CNTLN: variants seen among roughly 807,000 people sequenced by gnomAD.
The protein encoded by CNTLN is centlein, centrosomal protein.
A neutral mutation model predicts 180.0 loss-of-function variants in CNTLN; 212 were observed. The ratio of observed to expected loss-of-function variants is 1.18; its 90% CI spans 1.05 to 1.32. The LOEUF (loss-of-function observed/expected upper bound fraction) is 1.32. Among genes scored for constraint, CNTLN ranks in the 40% most tolerant of loss-of-function variants. The pLI is 0.00. For synonymous variants in CNTLN, 722 were observed against 563.1 expected (o/e 1.28, Z -3.99); for missense variants, 2,095 against 1,610.9 (o/e 1.30, Z -5.14).
intron 25 of CNTLN, among the ~76,000 whole-genome samples, chr9:17,489,261 T>C (rs1238559395): frequency 2.6e-5 from 4 of 152,158 alleles, no homozygotes; most frequent in African/African-American, 7.2e-5. Flanking sequence ...CAGGATTGTA[T>C]GGGCAAAAGT....
intron 2 of CNTLN, among the ~76,000 whole-genome samples, chr9:17,176,201 C>G (rs987060814): frequency 1.3e-5 from 2 of 151,870 alleles, no homozygotes; most frequent in African/African-American, 4.8e-5. Flanking sequence ...AGAAATCAGT[C>G]TTTCACTAAA....
At chr9:17,310,819 G>C (rs1408363167) in intron 8 of CNTLN, among the ~76,000 whole-genome samples, 2 of 151,972 alleles carry the variant, frequency 1.3e-5, no homozygotes, top group Admixed American at 6.6e-5. Flanking sequence ...TCACTGACTA[G>C]CCAGTATGTG....
chr9:17,286,982 A>G (rs1427591740), intron 6 of CNTLN, among the ~76,000 whole-genome samples: 1 of 123,314 alleles, frequency 8.1e-6, no homozygotes, highest in African/African-American at 3.3e-5. Context: ...TCTTTTCCTA[A>G]TTGAATACCC....
At chr9:17,423,519 G>A (rs1173022703) in intron 18 of CNTLN, among the ~76,000 whole-genome samples, 1 of 151,976 alleles carries the variant, frequency 6.6e-6, no homozygotes, top group African/African-American at 2.4e-5. Context: ...TAAAGGGAGG[G>A]GTGATGTAAA....
rs1439923274 is a variant in CNTLN, at chr9:17,340,770, ACAT to A, written c.1645-56_1645-54del. 2.1e-6 allele frequency: 3 copies of A among 1,437,026 alleles called. No homozygotes were observed. The African/African-American group carries it at 4.4e-5, about 21-fold the overall frequency. 89.0% of individuals were successfully genotyped at this position (1,437,026 alleles called of 1,614,324 possible). ...TTAGATGGGTAACCTTTTATTTGAA[ACAT>A]TATATTAATACTTTCTTCAAACTTA... On this transcript the variant is annotated intron_variant, in intron 10 of 25. Transcript: ENST00000380647.
At chr9:17,396,377 A>G (rs1237175584) in intron 15 of CNTLN, among the ~76,000 whole-genome samples, 1 of 151,996 alleles carries the variant, frequency 6.6e-6, no homozygotes, top group Non-Finnish European at 1.5e-5. Context: ...CACAAAGACG[A>G]ATGATAGAAC....
At position 17,259,207 on chromosome 9, in the gene CNTLN, G is replaced by A. The variant is rs186950217; in HGVS notation, c.850-14526G>A. On this transcript the variant is annotated intron_variant, in intron 5 of 25. Coordinates refer to ENST00000380647, the MANE Select transcript of CNTLN (RefSeq NM_017738.4). ...AAGGGTTGTTGAATTTTGTACAAAG[G>A]CCTTTTCTGCATCTATTGAGATAAT... Among the ~76,000 whole-genome samples, 307 of 149,858 alleles carry A rather than the reference G, an allele frequency of 2.0e-3. 4 individuals carry two copies. Among genetic ancestry groups the A allele is most frequent in the Middle Eastern group, 6.8e-3 (2 of 292 alleles).
chr9:17,423,324 G>T (rs1828859039), intron 18 of CNTLN, among the ~76,000 whole-genome samples: 1 of 152,176 alleles, frequency 6.6e-6, no homozygotes. Flanking sequence ...GTTCTCTTCT[G>T]GCCCAGGGTG....
chr9:17,340,128 G>A (rs1821359618), intron 10 of CNTLN, among the ~76,000 whole-genome samples: 2 of 152,162 alleles, frequency 1.3e-5, no homozygotes, highest in African/African-American at 4.8e-5. Context: ...CTGGGCCACA[G>A]AGGGAAGCCC....
chr9:17,474,564 G>T (rs957662320), intron 23 of CNTLN, among the ~76,000 whole-genome samples: 1 of 152,106 alleles, frequency 6.6e-6, no homozygotes, highest in Admixed American at 6.5e-5. Context: ...TTGGCAGAAT[G>T]ATCCTTTTAA....
At chr9:17,478,132 T>G (rs1440910366) in intron 23 of CNTLN, among the ~76,000 whole-genome samples, 1 of 152,232 alleles carries the variant, frequency 6.6e-6, no homozygotes, top group Non-Finnish European at 1.5e-5. Context: ...TAAAGTATTT[T>G]TAATTAAGAT....
intron 2 of CNTLN, among the ~76,000 whole-genome samples, chr9:17,191,220 C>T (rs1821768768): frequency 2.0e-5 from 3 of 152,182 alleles, no homozygotes; most frequent in South Asian, 4.1e-4. Flanking sequence ...GACACTGCCA[C>T]CCTCATTTCC....
At chr9:17,227,876 A>G (rs1824570730) in intron 3 of CNTLN, among the ~76,000 whole-genome samples, 1 of 152,100 alleles carries the variant, frequency 6.6e-6, no homozygotes, top group Non-Finnish European at 1.5e-5. Context: ...CCAAGTATCA[A>G]ACAACATTAA....
intron 6 of CNTLN, among the ~76,000 whole-genome samples, chr9:17,294,635 C>T (rs1817673056): frequency 6.7e-6 from 1 of 150,090 alleles, no homozygotes; most frequent in Non-Finnish European, 1.5e-5. Context: ...GTATCCCGCA[C>T]AGGGGCCACA....
intron 25 of CNTLN, among the ~76,000 whole-genome samples, chr9:17,489,220 C>A (rs187673551): frequency 1.3e-5 from 2 of 152,010 alleles, no homozygotes; most frequent in East Asian, 3.9e-4. Flanking sequence ...CTTTGCCCAC[C>A]AGCCTTTTTT....
At chr9:17,193,962 T>C (rs542743119) in intron 2 of CNTLN, among the ~76,000 whole-genome samples, 22 of 152,354 alleles carry the variant, frequency 1.4e-4, no homozygotes, top group African/African-American at 5.0e-4. Flanking sequence ...ACATGGAAGC[T>C]GCCAAGGCTT....
intron 5 of CNTLN, among the ~76,000 whole-genome samples, chr9:17,267,585 A>T (rs7018856): frequency 0.2 from 30,538 of 149,778 alleles, 4,225 homozygotes; most frequent in African/African-American, 0.37. Context: ...AATGTTGGCC[A>T]AACTTGCTAG....
At chr9:17,523,818 G>A in the CNTLN span, among the ~76,000 whole-genome samples, 1 of 152,244 alleles carries the variant, frequency 6.6e-6, no homozygotes, top group Middle Eastern at 3.4e-3. Flanking sequence ...AAAGAAGCTT[G>A]GTCCTATAAC....
At chr9:17,473,446 C>G (rs775436155) in intron 23 of CNTLN, among the ~76,000 whole-genome samples, 8 of 152,118 alleles carry the variant, frequency 5.3e-5, no homozygotes, top group African/African-American at 7.2e-5. Context: ...GCATGCCCGT[C>G]TAGAGCTAAT....
Sources: gnomAD v4.1 joint callset for allele counts (sites outside exome capture counted in the v4.1 genomes callset) on GRCh38, gnomAD v4.1.1 for gene constraint, MANE v1.5 for transcripts, NCBI Gene and HGNC (gene_info 2026-07-23, HGNC 2026-07-21) for gene names.